The following MCPH1 variants were observed in gnomAD, a reference collection of about 807,000 sequenced individuals.
MCPH1 encodes microcephalin.
MCPH1 carries 104 observed loss-of-function variants against 84.5 expected under a neutral mutation model. The ratio of observed to expected loss-of-function variants is 1.23; its 90% confidence interval spans 1.05 to 1.45. MCPH1 has a LOEUF of 1.45. MCPH1 is among the 40% of genes most tolerant of loss of function. The probability of loss-of-function intolerance (pLI) is 0.00; values close to 1 mark genes in which losing one functional copy is unlikely to be tolerated. For missense variants in MCPH1, 1,498 were observed against 1,005.7 expected (o/e 1.49, Z -6.62); for synonymous variants, 514 against 366.8 (o/e 1.40, Z -4.58).
chr8:6,437,984 AT>A (rs1425032575), intron 5 of MCPH1, among the ~76,000 whole-genome samples: 7 of 152,162 alleles, frequency 4.6e-5, no homozygotes, highest in Non-Finnish European at 8.8e-5. Flanking sequence ...CTGGTTTAAA[AT>A]TTCCTGGTGT....
chr8:6,549,384 A>C lies in MCPH1; in HGVS notation c.2214+49455A>C, dbSNP rs535008287. On this transcript the variant is annotated intron_variant, in intron 12 of 13. Transcript: ENST00000344683. ...GATTGTTCCAATTACATGACATTCA[A>C]AACCTAGCAAAATTAACCCATGGTG... is the stretch of plus-strand genomic sequence containing the variant. Among the ~76,000 whole-genome samples, 6 of 152,362 alleles carry C rather than the reference A, an allele frequency of 3.9e-5. No homozygotes were observed. The East Asian group carries it at 9.6e-4, about 24-fold the overall frequency.
At chr8:6,520,081 A>G (rs899558026) in intron 12 of MCPH1, 19 of 1,473,586 alleles carry the variant, frequency 1.3e-5, no homozygotes, top group Admixed American at 2.0e-5. Flanking sequence ...GGTGAGTTTT[A>G]TTACTTTGGA....
At chr8:6,637,634 T>A (rs1797652470) in intron 13 of MCPH1, among the ~76,000 whole-genome samples, 1 of 152,122 alleles carries the variant, frequency 6.6e-6, no homozygotes, top group South Asian at 2.1e-4. Flanking sequence ...TAGGCTGCGG[T>A]ATATGTTTGT....
intron 11 of MCPH1, among the ~76,000 whole-genome samples, chr8:6,487,415 A>C (rs1810065260): frequency 6.6e-6 from 1 of 152,212 alleles, no homozygotes; most frequent in African/African-American, 2.4e-5. Context: ...ACATTAAAGA[A>C]ATGCTGAGCC....
intron 12 of MCPH1, among the ~76,000 whole-genome samples, chr8:6,530,236 G>T (rs562912569): frequency 6.6e-6 from 1 of 152,098 alleles, no homozygotes; most frequent in African/African-American, 2.4e-5. Flanking sequence ...GGCCAGGTAC[G>T]GTGGCTCACG....
At chr8:6,595,887 G>T (rs747068566) in intron 12 of MCPH1, among the ~76,000 whole-genome samples, 3 of 152,124 alleles carry the variant, frequency 2.0e-5, no homozygotes, top group Non-Finnish European at 2.9e-5. Flanking sequence ...GAAAAGTTAG[G>T]GTGCAACCAT....
intron 12 of MCPH1, among the ~76,000 whole-genome samples, chr8:6,594,768 A>G (rs1453332772): frequency 1.3e-5 from 2 of 151,930 alleles, no homozygotes; most frequent in African/African-American, 2.4e-5. Flanking sequence ...CATTTCTGCG[A>G]TGCTACAGAG....
intron 8 of MCPH1, among the ~76,000 whole-genome samples, chr8:6,453,396 CTT>C (rs11459930): frequency 1.0e-4 from 15 of 147,400 alleles, no homozygotes; most frequent in African/African-American, 3.8e-4. Context: ...CAATATCAGT[CTT>C]TTTTTTTTTT....
chr8:6,611,539 C>G (rs994531191), intron 12 of MCPH1, among the ~76,000 whole-genome samples: 1 of 152,356 alleles, frequency 6.6e-6, no homozygotes. Context: ...ACGGAGCTGC[C>G]ATGCCCTCTC....
intron 12 of MCPH1, among the ~76,000 whole-genome samples, chr8:6,592,623 G>GTTTTTTTTTTTTTT (rs573651366): frequency 6.4e-5 from 5 of 77,556 alleles, no homozygotes; most frequent in African/African-American, 1.6e-4. Flanking sequence ...TCTTTTTTTT[G>GTTTTTTTTTTTTTT]TTTTTTTTTT....
At chr8:6,504,199 T>TCC (rs1344647295) in intron 12 of MCPH1, among the ~76,000 whole-genome samples, 2 of 149,882 alleles carry the variant, frequency 1.3e-5, no homozygotes, top group Admixed American at 6.8e-5. Context: ...ACGCCTGTAG[T>TCC]CCCAGCTACT....
At chr8:6,621,137 G>A (rs1446383076) in intron 12 of MCPH1, 1 of 401,288 alleles carries the variant, frequency 2.5e-6, no homozygotes, top group Non-Finnish European at 4.7e-6. Context: ...GTTCAGCCTA[G>A]CTATGGCTCT....
In MCPH1 at chr8:6,625,516, A is replaced by G. The variant is rs1027805368; in HGVS notation, c.2452+3825A>G. ...CAAACCATTTTAAAGCACCAAATCG[A>G]AAAAGAAGTTATTTTGTTTAAATAA... On this transcript the variant is annotated intron_variant, in intron 13 of 13. Coordinates refer to ENST00000344683, the MANE Select transcript of MCPH1 (RefSeq NM_024596.5). 9 of 983,276 alleles carry G rather than the reference A, an allele frequency of 9.2e-6. No individual in the cohort carries two copies. The African/African-American group carries it at 1.4e-4, about 15-fold the overall frequency. The allele number at this position is 983,276 out of a possible 1,614,324, so 60.9% of individuals were successfully genotyped here. A position where few individuals can be genotyped will look rare whatever the true frequency, so the allele number is the denominator to read the frequency against.
chr8:6,627,030 A>T, intron 13 of MCPH1: 1 of 985,222 alleles, frequency 1.0e-6, no homozygotes, highest in Non-Finnish European at 1.2e-6. Flanking sequence ...CTTATAACTT[A>T]TAAAGAAAAT....
chr8:6,562,629 G>A, intron 12 of MCPH1: 1 of 1,309,754 alleles, frequency 7.6e-7, no homozygotes, highest in Non-Finnish European at 1.0e-6. Context: ...CACAAAGACA[G>A]ATGGATTTTT....
Position 6,645,427 on chromosome 8 carries a change from A to T in MCPH1, c.*2378A>T, listed in dbSNP as rs1040559703. On this transcript the variant is annotated 3_prime_UTR_variant, in exon 14 of 14. Coordinates refer to ENST00000344683, the MANE Select transcript of MCPH1 (RefSeq NM_024596.5). ...GGGCTAGAGGTTCTCAGGATTCTGA[A>T]TTTTAAAAAAAATTTGTAAAGGCTT... The T allele has an allele frequency of 6.6e-6, 1 of 152,120 alleles. No individual in the cohort carries two copies. Among genetic ancestry groups the T allele is most frequent in the African/African-American group, 2.4e-5 (1 of 41,404 alleles). 9.4% of individuals were successfully genotyped at this position (152,120 alleles called of 1,614,324 possible).
At chr8:6,612,611 G>A (rs989128185) in intron 12 of MCPH1, among the ~76,000 whole-genome samples, 1 of 152,214 alleles carries the variant, frequency 6.6e-6, no homozygotes, top group Non-Finnish European at 1.5e-5. Flanking sequence ...CTGGTTGCGG[G>A]CCTGCTCCGG....
At position 6,446,654 on chromosome 8, in the gene MCPH1, G is replaced by A. The variant is rs1419678473; in HGVS notation, c.1825+1107G>A. The A allele has an allele frequency of 4.1e-6, 4 of 983,204 alleles. No homozygotes were observed. In the African/African-American group the frequency reaches 5.2e-5, roughly 13 times the overall value. The allele number at this position is 983,204 out of a possible 1,614,324, so 60.9% of individuals were successfully genotyped here. The stretch of plus-strand genomic sequence containing the variant: ...AAAGTTAATATAAAACAATAGATGT[G>A]TAAAATTCTTTGGTAGTTAAGAATA... On this transcript the variant is annotated intron_variant, in intron 8 of 13. Transcript: ENST00000344683.
At chr8:6,466,039 C>G (rs1031615209) in intron 9 of MCPH1, among the ~76,000 whole-genome samples, 1 of 152,014 alleles carries the variant, frequency 6.6e-6, no homozygotes, top group Non-Finnish European at 1.5e-5. Flanking sequence ...ACTGCAACCT[C>G]TGCCTCCCCA....
Sources: allele counts gnomAD v4.1 joint callset (sites outside exome capture counted in the v4.1 genomes callset), GRCh38; gene constraint gnomAD v4.1.1; transcripts MANE v1.5; gene names NCBI Gene and HGNC (gene_info 2026-07-23, HGNC 2026-07-21).